LPP: variants seen among roughly 807,000 people sequenced by gnomAD.
The protein encoded by LPP is lipoma-preferred partner.
A neutral mutation model predicts 60.4 loss-of-function variants in LPP; 38 were observed. The ratio of observed to expected loss-of-function variants is 0.63; its 90% CI spans 0.49 to 0.83. The LOEUF is 0.83. LPP is among the 40% of genes least tolerant of loss of function. The probability of loss-of-function intolerance (pLI) is 0.00; values close to 1 mark genes in which losing one functional copy is unlikely to be tolerated. For missense variants in LPP, 902 were observed against 783.6 expected, an observed-to-expected ratio of 1.15 and a Z score of -1.80; for synonymous variants, 328 against 290.8, an observed-to-expected ratio of 1.13 and a Z score of -1.30.
intron 7 of LPP, among the ~76,000 whole-genome samples, chr3:188,650,576 G>GACCT (rs1299300835): frequency 9.9e-5 from 15 of 152,062 alleles, no homozygotes; most frequent in African/African-American, 1.4e-4. Flanking sequence ...CATTCTAATG[G>GACCT]ACCTATACCA....
At chr3:188,708,486 G>A in intron 8 of LPP, 93 bp downstream of exon 8, 1 of 1,547,390 alleles carries the variant, frequency 6.5e-7, no homozygotes, top group Non-Finnish European at 8.9e-7. Context: ...CACTGGTAAA[G>A]TATTTGAGTC....
intron 4 of LPP, among the ~76,000 whole-genome samples, chr3:188,465,607 T>A (rs1224315875): frequency 2.6e-5 from 4 of 152,188 alleles, no homozygotes; most frequent in Admixed American, 2.6e-4. Context: ...AACAAACAGA[T>A]AATCTAGTTC....
chr3:188,270,730 T>C (rs1429411623), intron 2 of LPP, among the ~76,000 whole-genome samples: 2 of 152,170 alleles, frequency 1.3e-5, no homozygotes, highest in African/African-American at 4.8e-5. Flanking sequence ...AACTGTGAAG[T>C]TTTGAGAAAG....
chr3:188,835,302 C>CAA (rs11354742), intron 9 of LPP, among the ~76,000 whole-genome samples: 227 of 125,970 alleles, frequency 1.8e-3, no homozygotes, highest in African/African-American at 6.4e-3. Flanking sequence ...ACTAAAAATA[C>CAA]AAAAAAAAAA....
At chr3:188,508,713 G>A (rs529669544) in intron 5 of LPP, among the ~76,000 whole-genome samples, 7 of 152,210 alleles carry the variant, frequency 4.6e-5, no homozygotes, top group Non-Finnish European at 8.8e-5. Flanking sequence ...TTGGCACTGC[G>A]GGTGAGAACA....
chr3:188,647,862 G>A (rs1179217824), intron 7 of LPP, among the ~76,000 whole-genome samples: 1 of 152,212 alleles, frequency 6.6e-6, no homozygotes, highest in African/African-American at 2.4e-5. Context: ...AATTAAAGGT[G>A]AGGGAAGACT....
chr3:188,213,284 G>A (rs1712041421), intron 1 of LPP, among the ~76,000 whole-genome samples: 1 of 152,202 alleles, frequency 6.6e-6, no homozygotes, highest in Admixed American at 6.5e-5. Context: ...CTTGTGTGCA[G>A]GTCACTGTGT....
chr3:188,666,045 CCAGT>C (rs1387681386), intron 7 of LPP, among the ~76,000 whole-genome samples: 1 of 152,172 alleles, frequency 6.6e-6, no homozygotes, highest in African/African-American at 2.4e-5. Flanking sequence ...ATTCATTTAT[CCAGT>C]CATTCAATTT....
chr3:188,522,948 T>C (rs1218000103), intron 5 of LPP, among the ~76,000 whole-genome samples: 3 of 151,702 alleles, frequency 2.0e-5, no homozygotes, highest in African/African-American at 7.3e-5. Flanking sequence ...CGCTCTGTCA[T>C]GTAGGCTGGA....
intron 6 of LPP, among the ~76,000 whole-genome samples, chr3:188,576,304 G>A (rs755859481): frequency 2.9e-4 from 44 of 152,120 alleles, no homozygotes; most frequent in Non-Finnish European, 5.9e-4. Flanking sequence ...TACCAGGTTG[G>A]AGGAAAGGAC....
intron 2 of LPP, among the ~76,000 whole-genome samples, chr3:188,274,478 G>T (rs1414348303): frequency 6.6e-6 from 1 of 152,162 alleles, no homozygotes; most frequent in Non-Finnish European, 1.5e-5. Context: ...GCAAATGAGA[G>T]TGGGATTGAA....
At chr3:188,360,905 C>G (rs1332088648) in intron 3 of LPP, among the ~76,000 whole-genome samples, 1 of 152,166 alleles carries the variant, frequency 6.6e-6, no homozygotes, top group Non-Finnish European at 1.5e-5. Flanking sequence ...ACTGCAGAAG[C>G]TCATGAAAAA....
At chr3:188,177,823 G>T (rs573007687) in intron 1 of LPP, among the ~76,000 whole-genome samples, 1 of 148,818 alleles carries the variant, frequency 6.7e-6, no homozygotes, top group African/African-American at 2.4e-5. Context: ...GAGAGATGGA[G>T]CTGCCCTGAG....
rs567835210 is a variant in LPP at position 188,317,774 on chromosome 3, T to C, written c.-66-23889T>C. ...TGTATTAACCTGCTCTACCTTGAAC[T>C]GCTGTCTTGAATTGGGGGGAAAAAT... On this transcript the variant is annotated intron_variant, in intron 2 of 11. Transcript: ENST00000617246. Among the ~76,000 whole-genome samples, 5 of 100,372 alleles carry C rather than the reference T, an allele frequency of 5.0e-5. No homozygotes were observed. In the South Asian group the frequency reaches 2.3e-3, roughly 45 times the overall value. The allele number at this position is 100,372 out of a possible 152,430, so 65.8% of individuals were successfully genotyped here.
At chr3:188,280,734 G>C (rs1298366018) in intron 2 of LPP, among the ~76,000 whole-genome samples, 1 of 151,988 alleles carries the variant, frequency 6.6e-6, no homozygotes, top group Non-Finnish European at 1.5e-5. Flanking sequence ...GTTTTGTCTG[G>C]GTTAACCAAC....
intron 6 of LPP, among the ~76,000 whole-genome samples, chr3:188,596,777 G>A (rs1023988152): frequency 2.0e-5 from 3 of 151,976 alleles, no homozygotes; most frequent in Admixed American, 6.6e-5. Context: ...TTCCTTTTTC[G>A]CTTTGCTTTC....
chr3:188,316,606 C>T (rs189079933), intron 2 of LPP, among the ~76,000 whole-genome samples: 3 of 152,056 alleles, frequency 2.0e-5, no homozygotes, highest in South Asian at 2.1e-4. Context: ...GAAATGATAA[C>T]GATGAACCTG....
At chr3:188,513,866 G>A (rs754873427) in intron 5 of LPP, among the ~76,000 whole-genome samples, 4 of 152,054 alleles carry the variant, frequency 2.6e-5, no homozygotes, top group Non-Finnish European at 4.4e-5. Context: ...AACTCTTACG[G>A]GTTTAGTCTG....
At chr3:188,505,322 T>C (rs1188313518) in intron 5 of LPP, among the ~76,000 whole-genome samples, 2 of 152,196 alleles carry the variant, frequency 1.3e-5, no homozygotes, top group African/African-American at 2.4e-5. Context: ...CCTGCAACTA[T>C]TCCTTTTCTC....
Sources: gnomAD v4.1 joint callset for allele counts (sites outside exome capture counted in the v4.1 genomes callset) on GRCh38, gnomAD v4.1.1 for gene constraint, MANE v1.5 for transcripts, NCBI Gene and HGNC (gene_info 2026-07-23, HGNC 2026-07-21) for gene names.